The following CLDN4 variants were observed in gnomAD, a reference collection of about 807,000 sequenced individuals.
The protein encoded by CLDN4 is claudin 4.
A neutral mutation model predicts 13.7 loss-of-function variants in CLDN4; 12 were observed. That is an observed-to-expected ratio of 0.88 (90% CI 0.56 to 1.42). The LOEUF is 1.42. Ranked by LOEUF, CLDN4 falls within the 40% of genes most tolerant of loss-of-function variation. The pLI is 0.00. For missense variants in CLDN4, 252 were observed against 297.4 expected (o/e 0.85, Z 1.12); for synonymous variants, 152 against 140.6 (o/e 1.08, Z -0.57).
Position 73,831,849 on chromosome 7 carries a change from C to A in CLDN4, c.*18C>A. ...ACGTGTAAGGTGCCACGGCTCCACT[C>A]TGTTCCTCTCTGCTTTGTTCTTCCC... On this transcript the variant is annotated 3_prime_UTR_variant, in exon 1 of 1. Coordinates refer to ENST00000340958, the MANE Select transcript of CLDN4 (RefSeq NM_001305.5). 6.5e-7 allele frequency: 1 copy of A among 1,549,594 alleles called. No individual in the cohort carries two copies. The highest frequency in any genetic ancestry group is 1.7e-4 in the Middle Eastern group (1 of 5,740).
In CLDN4 at chr7:73,831,282, G is replaced by A; in HGVS notation, c.81G>A (p.Leu27=). 1 of 1,613,248 alleles carries A rather than the reference G, an allele frequency of 6.2e-7. No individual in the cohort carries two copies. ...TGGCCGTCATGCTGTGCTGCGCGCT[G>A]CCCATGTGGCGCGTGACGGCCTTCA... ...GWLAVMLCCA[L]PMWRVTAFIG... is the part of the protein sequence containing the mutation. The change falls in exon 1 of 1, where the codon CTG becomes CTA. Residue 27 remains leucine (L), a synonymous_variant. Coordinates refer to ENST00000340958, the MANE Select transcript of CLDN4 (RefSeq NM_001305.5).
rs1490984695 is a variant in CLDN4 at position 73,831,109 on chromosome 7, C to T, written c.-93C>T. The T allele has an allele frequency of 2.0e-5, 29 of 1,445,682 alleles. No homozygotes were observed. The highest frequency in any genetic ancestry group is 4.1e-5 in the South Asian group (3 of 73,498). The allele number at this position is 1,445,682 out of a possible 1,614,324, so 89.6% of individuals were successfully genotyped here. A position where few individuals can be genotyped will look rare whatever the true frequency, so the allele number is the denominator to read the frequency against. On this transcript the variant is annotated 5_prime_UTR_variant, in exon 1 of 1. It adds an upstream start codon to the 5' untranslated region. Coordinates refer to ENST00000340958, the MANE Select transcript of CLDN4 (RefSeq NM_001305.5). ...ACGGTGCAAAGGTGCACTCTGCGAACGTTAAGTCCGTCCCCAGCGCTTGGA... is the reference window on the plus strand; with the variant it reads ...ACGGTGCAAAGGTGCACTCTGCGAATGTTAAGTCCGTCCCCAGCGCTTGGA...
At position 73,831,256 on chromosome 7, in the gene CLDN4, C is replaced by T. The variant is rs782131135; in HGVS notation, c.55C>T (p.Leu19=). The part of the protein sequence containing the change: ...MGIALAVLGW[L]AVMLCCALPM... ...CATCGCGCTGGCCGTCCTGGGCTGG[C>T]TGGCCGTCATGCTGTGCTGCGCGCT... is the stretch of plus-strand genomic sequence containing the variant. The change falls in exon 1 of 1, where the codon CTG becomes TTG. Residue 19 remains leucine, a synonymous_variant. Transcript: ENST00000340958. 9 of 1,604,904 alleles carry T rather than the reference C, an allele frequency of 5.6e-6. No individual in the cohort carries two copies. The South Asian group carries it at 1.0e-4, about 18-fold the overall frequency.
chr7:73,831,150 C>T lies in CLDN4; in HGVS notation c.-52C>T. The T allele has an allele frequency of 6.6e-7, 1 of 1,511,660 alleles. No homozygotes were observed. The highest frequency in any genetic ancestry group is 8.8e-7 in the Non-Finnish European group (1 of 1,134,268). 93.6% of individuals were successfully genotyped at this position (1,511,660 alleles called of 1,614,324 possible). A position where few individuals can be genotyped will look rare whatever the true frequency, so the allele number is the denominator to read the frequency against. ...AGCGCTTGGAATCCTACGGCCCCCA[C>T]AGCCGGATCCCCTCAGCCTTCCAGG... On this transcript the variant is annotated 5_prime_UTR_variant, in exon 1 of 1. Coordinates refer to ENST00000340958, the MANE Select transcript of CLDN4 (RefSeq NM_001305.5).
Position 73,831,732 on chromosome 7 carries a change from C to A in CLDN4, c.531C>A (p.Gly177=). The A allele has an allele frequency of 5.6e-6, 9 of 1,612,976 alleles. No homozygotes were observed. Among genetic ancestry groups the A allele is most frequent in the Non-Finnish European group, 6.8e-6 (8 of 1,179,424 alleles). The change falls in exon 1 of 1, where the codon GGC becomes GGA. Residue 177 remains glycine (G), a synonymous_variant. Coordinates refer to ENST00000340958, the MANE Select transcript of CLDN4 (RefSeq NM_001305.5). Reference sequence around the variant, plus strand: ...CCGCCTCCGGCCTGCTGCTCCTTGGCGGGGGGCTGCTTTGCTGCAACTGTC... The same window carrying A: ...CCGCCTCCGGCCTGCTGCTCCTTGGAGGGGGGCTGCTTTGCTGCAACTGTC... ...GWAASGLLLL[G]GGLLCCNCPP... is the part of the protein sequence containing the mutation.
In CLDN4 at chr7:73,831,783, C is replaced by T. The variant is rs781920933; in HGVS notation, c.582C>T (p.Ser194=). The T allele has an allele frequency of 5.7e-5, 90 of 1,592,490 alleles. No individual in the cohort carries two copies. The Admixed American group carries it at 8.4e-4, about 15-fold the overall frequency. Residue 194 remains serine (S), a synonymous_variant, in exon 1 of 1, where the codon TCC becomes TCT. Coordinates refer to ENST00000340958, the MANE Select transcript of CLDN4 (RefSeq NM_001305.5). ...NCPPRTDKPY[S]AKYSAARSAA... ...CACCCCGCACAGACAAGCCTTACTC[C>T]GCCAAGTATTCTGCTGCCCGCTCTG...
Position 73,831,397 on chromosome 7 carries a change from G to C in CLDN4, c.196G>C (p.Val66Leu). The C allele has an allele frequency of 1.2e-6, 2 of 1,614,130 alleles. No homozygotes were observed. The highest frequency in any genetic ancestry group is 8.5e-7 in the Non-Finnish European group (1 of 1,180,008). ...GAGCACCGGCCAGATGCAGTGCAAG[G>C]TGTACGACTCGCTGCTGGCACTGCC... is the stretch of plus-strand genomic sequence containing the variant. ...VQSTGQMQCK[V>L]YDSLLALPQD... The change falls in exon 1 of 1, where the codon GTG (valine) becomes CTG (leucine). Residue 66 changes from valine (V) to leucine (L), a missense_variant. By Grantham distance (32) the Val-to-Leu change is conservative. Transcript: ENST00000340958.
Position 73,831,356 on chromosome 7 carries a change from T to C in CLDN4, c.155T>C (p.Met52Thr). The change falls in exon 1 of 1, where the codon ATG becomes ACG. Residue 52 changes from methionine to threonine, a missense_variant. By Grantham distance (81) the Met-to-Thr change is moderately conservative. Transcript: ENST00000340958. ...CAGACCATCTGGGAGGGCCTATGGA[T>C]GAACTGCGTGGTGCAGAGCACCGGC... ...TSQTIWEGLWMNCVVQSTGQM... is the reference protein window; with the variant it reads ...TSQTIWEGLWTNCVVQSTGQM... The C allele has an allele frequency of 1.2e-6, 2 of 1,614,054 alleles. No homozygotes were observed. Among genetic ancestry groups the C allele is most frequent in the Non-Finnish European group, 1.7e-6 (2 of 1,179,984 alleles).
In CLDN4 at chr7:73,831,736, G is replaced by C; in HGVS notation, c.535G>C (p.Gly179Arg). The C allele has an allele frequency of 6.2e-7, 1 of 1,612,976 alleles. No homozygotes were observed. Among genetic ancestry groups the C allele is most frequent in the South Asian group, 1.1e-5 (1 of 90,924 alleles). The change falls in exon 1 of 1, where the codon GGG (glycine) becomes CGG (arginine). Residue 179 changes from glycine to arginine, a missense_variant. Gly to Arg is a moderately radical substitution (Grantham distance 125). Coordinates refer to ENST00000340958, the MANE Select transcript of CLDN4 (RefSeq NM_001305.5). Reference sequence around the variant, plus strand: ...CTCCGGCCTGCTGCTCCTTGGCGGGGGGCTGCTTTGCTGCAACTGTCCACC... The same window carrying C: ...CTCCGGCCTGCTGCTCCTTGGCGGGCGGCTGCTTTGCTGCAACTGTCCACC... Reference protein sequence around the residue: ...AASGLLLLGGGLLCCNCPPRT... With the variant: ...AASGLLLLGGRLLCCNCPPRT...
chr7:73,831,830 A>T lies in CLDN4; in HGVS notation c.629A>T (p.Ter210LeuextTer17). 1 of 1,563,212 alleles carries T rather than the reference A, an allele frequency of 6.4e-7. No homozygotes were observed. The stretch of plus-strand genomic sequence containing the variant: ...TCTGCTGCTGCCAGCAACTACGTGT[A>T]AGGTGCCACGGCTCCACTCTGTTCC... ...ARSAAASNYV[*>L] is the part of the protein sequence containing the mutation. The change falls in exon 1 of 1, where the codon TAA becomes TTA. Residue 210 changes from the stop codon to leucine (L), a stop_lost. Coordinates refer to ENST00000340958, the MANE Select transcript of CLDN4 (RefSeq NM_001305.5).
At position 73,831,427 on chromosome 7, in the gene CLDN4, G is replaced by T; in HGVS notation, c.226G>T (p.Asp76Tyr). The change falls in exon 1 of 1, where the codon GAC (aspartate) becomes TAC (tyrosine). Residue 76 changes from aspartate (D) to tyrosine (Y), a missense_variant. Asp to Tyr is a radical substitution (Grantham distance 160). Transcript: ENST00000340958. ...VYDSLLALPQ[D>Y]LQAARALVII... ...CGACTCGCTGCTGGCACTGCCGCAG[G>T]ACCTGCAGGCGGCCCGCGCCCTCGT... 6.2e-7 allele frequency: 1 copy of T among 1,614,162 alleles called. No homozygotes were observed. The highest frequency in any genetic ancestry group is 1.1e-5 in the South Asian group (1 of 91,082).
Position 73,831,927 on chromosome 7 carries a change from C to A in CLDN4, c.*96C>A. The A allele has an allele frequency of 6.8e-7, 1 of 1,467,852 alleles. No homozygotes were observed. Among genetic ancestry groups the A allele is most frequent in the South Asian group, 1.4e-5 (1 of 72,566 alleles). 90.9% of individuals were successfully genotyped at this position (1,467,852 alleles called of 1,614,324 possible). A position where few individuals can be genotyped will look rare whatever the true frequency, so the allele number is the denominator to read the frequency against. ...CCCAGGAGGGCCCTGCCACGGGCCA[C>A]TGGCTGCTGGGGACTGGGGACTGGG... On this transcript the variant is annotated 3_prime_UTR_variant, in exon 1 of 1. Transcript: ENST00000340958.
rs374779761 is a variant in CLDN4, at chr7:73,831,438, G to A, written c.237G>A (p.Ala79=). 1.4e-5 allele frequency: 22 copies of A among 1,614,028 alleles called. No homozygotes were observed. In the South Asian group the frequency reaches 1.9e-4, roughly 14 times the overall value. ...TGGCACTGCCGCAGGACCTGCAGGCGGCCCGCGCCCTCGTCATCATCAGCA... is the reference window on the plus strand; with the variant it reads ...TGGCACTGCCGCAGGACCTGCAGGCAGCCCGCGCCCTCGTCATCATCAGCA... ...SLLALPQDLQ[A]ARALVIISII... The change falls in exon 1 of 1, where the codon GCG becomes GCA. Residue 79 remains alanine, a synonymous_variant. Coordinates refer to ENST00000340958, the MANE Select transcript of CLDN4 (RefSeq NM_001305.5).
Position 73,831,458 on chromosome 7 carries a change from T to A in CLDN4, c.257T>A (p.Ile86Asn). ...CAGGCGGCCCGCGCCCTCGTCATCATCAGCATCATCGTGGCTGCTCTGGGC... is the reference window on the plus strand; with the variant it reads ...CAGGCGGCCCGCGCCCTCGTCATCAACAGCATCATCGTGGCTGCTCTGGGC... ...DLQAARALVI[I>N]SIIVAALGVL... Residue 86 changes from isoleucine to asparagine, a missense_variant, in exon 1 of 1, where the codon ATC (isoleucine) becomes AAC (asparagine). Transcript: ENST00000340958. 2.5e-6 allele frequency: 4 copies of A among 1,614,186 alleles called. No homozygotes were observed. Among genetic ancestry groups the A allele is most frequent in the Non-Finnish European group, 3.4e-6 (4 of 1,180,032 alleles).
Position 73,831,203 on chromosome 7 carries a change from TG to T in CLDN4, c.4del (p.Ala2?). On this transcript the variant is annotated frameshift_variant and start_lost, in exon 1 of 1. Coordinates refer to ENST00000340958, the MANE Select transcript of CLDN4 (RefSeq NM_001305.5). LOFTEE classifies it high-confidence loss of function. [M>X]ASMGLQVMGI... ...CTCAACTCCCGTGGACGCTGAACAATGGCCTCCATGGGGCTACAGGTAATGG... is the reference window on the plus strand; with the variant it reads ...CTCAACTCCCGTGGACGCTGAACAATGCCTCCATGGGGCTACAGGTAATGG... The T allele has an allele frequency of 6.4e-7, 1 of 1,554,804 alleles. No individual in the cohort carries two copies. The highest frequency in any genetic ancestry group is 8.7e-7 in the Non-Finnish European group (1 of 1,147,376).
chr7:73,832,153 C>A lies in CLDN4; in HGVS notation c.*322C>A. On this transcript the variant is annotated 3_prime_UTR_variant, in exon 1 of 1. Transcript: ENST00000340958. ...GATAGCTTAACCCTGACTTTGGGAT[C>A]TGCCTGCATCGGCGTTGGCCACTGT... 2.8e-6 allele frequency: 1 copy of A among 363,542 alleles called. No homozygotes were observed. The highest frequency in any genetic ancestry group is 5.2e-6 in the Non-Finnish European group (1 of 192,368). The allele number at this position is 363,542 out of a possible 1,614,324, so 22.5% of individuals were successfully genotyped here. A position where few individuals can be genotyped will look rare whatever the true frequency, so the allele number is the denominator to read the frequency against.
Position 73,831,880 on chromosome 7 carries a change from T to C in CLDN4, c.*49T>C. ...CTCTCTGCTTTGTTCTTCCCTGGAC[T>C]GAGCTCAGCGCAGGCTGTGACCCCA... On this transcript the variant is annotated 3_prime_UTR_variant, in exon 1 of 1. Transcript: ENST00000340958. The C allele has an allele frequency of 6.5e-7, 1 of 1,526,762 alleles. No individual in the cohort carries two copies. The highest frequency in any genetic ancestry group is 8.8e-7 in the Non-Finnish European group (1 of 1,136,232). The allele number at this position is 1,526,762 out of a possible 1,614,324, so 94.6% of individuals were successfully genotyped here.
At position 73,831,234 on chromosome 7, in the gene CLDN4, C is replaced by T. The variant is rs146691861; in HGVS notation, c.33C>T (p.Ile11=). 785 of 1,589,574 alleles carry T rather than the reference C, an allele frequency of 4.9e-4. No individual in the cohort carries two copies. The highest frequency in any genetic ancestry group is 6.4e-4 in the Non-Finnish European group (750 of 1,165,436). ...CCATGGGGCTACAGGTAATGGGCAT[C>T]GCGCTGGCCGTCCTGGGCTGGCTGG... The part of the protein sequence containing the change: MASMGLQVMG[I]ALAVLGWLAV... The change falls in exon 1 of 1, where the codon ATC becomes ATT. Residue 11 remains isoleucine (I), a synonymous_variant. Transcript: ENST00000340958.
chr7:73,831,175 G>C lies in CLDN4; in HGVS notation c.-27G>C. On this transcript the variant is annotated 5_prime_UTR_variant, in exon 1 of 1. Coordinates refer to ENST00000340958, the MANE Select transcript of CLDN4 (RefSeq NM_001305.5). ...CAGCCGGATCCCCTCAGCCTTCCAG[G>C]TCCTCAACTCCCGTGGACGCTGAAC... The C allele has an allele frequency of 6.5e-7, 1 of 1,527,568 alleles. No homozygotes were observed. The highest frequency in any genetic ancestry group is 2.3e-5 in the East Asian group (1 of 44,076). 94.6% of individuals were successfully genotyped at this position (1,527,568 alleles called of 1,614,324 possible).
Sources: allele counts gnomAD v4.1 joint callset, GRCh38; gene constraint gnomAD v4.1.1; transcripts MANE v1.5; gene names NCBI Gene and HGNC (gene_info 2026-07-23, HGNC 2026-07-21).